KATNBL1: variants seen among roughly 807,000 people sequenced by gnomAD.
The protein encoded by KATNBL1 is katanin regulatory subunit B1 like 1.
In KATNBL1, 28 loss-of-function variants were observed where a neutral mutation model predicts 44.7. The observed-to-expected ratio is 0.63, with a 90% confidence interval of 0.46 to 0.86. KATNBL1 has a LOEUF of 0.86. KATNBL1 is among the 40% of genes least tolerant of loss of function. The probability of loss-of-function intolerance (pLI) is 0.00; values close to 1 mark genes in which losing one functional copy is unlikely to be tolerated. For synonymous variants in KATNBL1, 78 were observed against 114.9 expected (o/e 0.68, Z 2.06); for missense variants, 272 against 350.7 (o/e 0.78, Z 1.79).
At chr15:34,208,204 G>A (rs1344313035) in intron 1 of KATNBL1, among the ~76,000 whole-genome samples, 1 of 152,152 alleles carries the variant, frequency 6.6e-6, no homozygotes, top group African/African-American at 2.4e-5. Flanking sequence ...TACCTGAGCA[G>A]TGAACACTGT....
intron 1 of KATNBL1, among the ~76,000 whole-genome samples, chr15:34,183,029 C>G (rs1283201918): frequency 6.6e-6 from 1 of 152,196 alleles, no homozygotes; most frequent in Non-Finnish European, 1.5e-5. Flanking sequence ...GGATACCTGG[C>G]ATTTGCTTGA....
intron 9 of KATNBL1, 36 bp from the exon 10 acceptor site, chr15:34,142,407 T>G (rs775447096): frequency 6.4e-7 from 1 of 1,551,388 alleles, no homozygotes; most frequent in South Asian, 1.2e-5. Flanking sequence ...CATTAGACAG[T>G]ACAGTAAATA....
intron 1 of KATNBL1, chr15:34,198,458 C>T (rs1007909952): frequency 1.3e-5 from 2 of 152,176 alleles, no homozygotes; most frequent in African/African-American, 4.8e-5. Flanking sequence ...AACTATGAAA[C>T]AGTAGATAGT....
At chr15:34,144,451 G>T (rs1483982125) in intron 9 of KATNBL1, among the ~76,000 whole-genome samples, 1 of 150,640 alleles carries the variant, frequency 6.6e-6, no homozygotes, top group Non-Finnish European at 1.5e-5. Context: ...TAAAACCAAA[G>T]AATGCTTTTT....
chr15:34,179,789 C>T (rs556120544), intron 1 of KATNBL1, among the ~76,000 whole-genome samples: 1 of 152,172 alleles, frequency 6.6e-6, no homozygotes, highest in Non-Finnish European at 1.5e-5. Flanking sequence ...GGTGCTCCCC[C>T]CCACCATCAC....
intron 5 of KATNBL1, 92 bp from the exon 6 acceptor site, chr15:34,147,522 C>A: frequency 1.1e-6 from 1 of 883,760 alleles, no homozygotes. Context: ...TTGAGAAATT[C>A]ATTCATTTAA....
chr15:34,156,836 A>C (rs946351971), intron 2 of KATNBL1, among the ~76,000 whole-genome samples: 3 of 152,224 alleles, frequency 2.0e-5, no homozygotes, highest in Admixed American at 2.0e-4. Flanking sequence ...AGTTAGGGGA[A>C]GCTGTTCCTT....
chr15:34,191,286 C>T (rs1449990186), intron 1 of KATNBL1, among the ~76,000 whole-genome samples: 2 of 150,708 alleles, frequency 1.3e-5, no homozygotes, highest in East Asian at 1.9e-4. Context: ...TGTTAACAGA[C>T]TGTTAACATA....
At chr15:34,177,183 A>G (rs1889359399) in intron 1 of KATNBL1, among the ~76,000 whole-genome samples, 1 of 152,196 alleles carries the variant, frequency 6.6e-6, no homozygotes, top group South Asian at 2.1e-4. Flanking sequence ...AAGACAATAC[A>G]GTGTTTGCTA....
intron 1 of KATNBL1, among the ~76,000 whole-genome samples, chr15:34,191,616 TTA>T (rs1567536002): frequency 6.6e-6 from 1 of 152,124 alleles, no homozygotes; most frequent in African/African-American, 2.4e-5. Context: ...GGTAGTGTGG[TTA>T]TGTGTTTTTT....
chr15:34,190,847 G>C (rs767856581), intron 1 of KATNBL1, among the ~76,000 whole-genome samples: 4 of 152,094 alleles, frequency 2.6e-5, no homozygotes, highest in Admixed American at 6.5e-5. Context: ...CAGTTTAATG[G>C]AAATACAGAA....
intron 1 of KATNBL1, among the ~76,000 whole-genome samples, chr15:34,183,486 A>G (rs1567533083): frequency 6.6e-6 from 1 of 152,164 alleles, no homozygotes; most frequent in African/African-American, 2.4e-5. Context: ...TCCATGTTCA[A>G]ATTCCCAGCT....
chr15:34,193,810 C>T (rs1464270292), intron 1 of KATNBL1, among the ~76,000 whole-genome samples: 1 of 127,140 alleles, frequency 7.9e-6, no homozygotes, highest in East Asian at 2.6e-4. Context: ...CAAAATTGCA[C>T]CACTGTACTC....
chr15:34,186,300 T>C (rs1363437908), intron 1 of KATNBL1, among the ~76,000 whole-genome samples: 1 of 152,168 alleles, frequency 6.6e-6, no homozygotes, highest in Admixed American at 6.5e-5. Context: ...CCCTTCTGAG[T>C]TGGGACAGGA....
At chr15:34,161,007 C>T (rs192498809) in intron 2 of KATNBL1, among the ~76,000 whole-genome samples, 1 of 152,264 alleles carries the variant, frequency 6.6e-6, no homozygotes, top group East Asian at 1.9e-4. Flanking sequence ...ATGTCAGATC[C>T]CTCTTGGGAT....
chr15:34,169,129 A>T (rs1482012124), intron 1 of KATNBL1, among the ~76,000 whole-genome samples: 1 of 152,166 alleles, frequency 6.6e-6, no homozygotes, highest in African/African-American at 2.4e-5. Flanking sequence ...AAACCCTTCA[A>T]AAAAAATCAA....
chr15:34,151,435 A>ATTTTTTTTTTTTTTTTTT (rs1491367010), intron 4 of KATNBL1, among the ~76,000 whole-genome samples: 1 of 63,828 alleles, frequency 1.6e-5, no homozygotes, highest in Non-Finnish European at 3.2e-5. Context: ...TCCTTTGCCT[A>ATTTTTTTTTTTTTTTTTT]CTTTTTTTTT....
At chr15:34,193,090 G>A (rs974140139) in intron 1 of KATNBL1, among the ~76,000 whole-genome samples, 3 of 151,264 alleles carry the variant, frequency 2.0e-5, no homozygotes, top group Admixed American at 6.6e-5. Context: ...AGTGGCGGGC[G>A]CCTGTGGTCC....
chr15:34,151,568 C>T (rs1888479294), intron 4 of KATNBL1, among the ~76,000 whole-genome samples: 1 of 149,934 alleles, frequency 6.7e-6, no homozygotes, highest in Non-Finnish European at 1.5e-5. Flanking sequence ...TCTTGAGCGT[C>T]AGCCTCCCAA....
Sources: allele counts gnomAD v4.1 joint callset (sites outside exome capture counted in the v4.1 genomes callset), GRCh38; gene constraint gnomAD v4.1.1; transcripts MANE v1.5; gene names NCBI Gene and HGNC (gene_info 2026-07-23, HGNC 2026-07-21).